TTC21B: variants seen among roughly 807,000 people sequenced by gnomAD.
The protein encoded by TTC21B is tetratricopeptide repeat protein 21B.
In TTC21B, 127 loss-of-function variants were observed where a neutral mutation model predicts 175.1. The observed-to-expected ratio is 0.73, with a 90% CI of 0.63 to 0.84. The LOEUF is 0.84. TTC21B is among the 40% of genes least tolerant of loss of function. TTC21B has a pLI of 0.00. For missense variants in TTC21B, 1,561 were observed against 1,558.3 expected, an observed-to-expected ratio of 1.00 and a Z score of -0.03; for synonymous variants, 524 against 524.5, an observed-to-expected ratio of 1.00 and a Z score of 0.01.
At chr2:165,889,326 C>A (rs939429828) in intron 24 of TTC21B, among the ~76,000 whole-genome samples, 1 of 152,066 alleles carries the variant, frequency 6.6e-6, no homozygotes, top group South Asian at 2.1e-4. Context: ...ATGCTGATTG[C>A]CCTTTTCTGA....
chr2:165,917,168 C>CA, intron 14 of TTC21B, 89 bp downstream of exon 14: 1 of 1,273,852 alleles, frequency 7.9e-7, no homozygotes, highest in Non-Finnish European at 1.1e-6. Context: ...TGTGAGCCAC[C>CA]ATGCCTGGGC....
At chr2:165,912,418 C>T (rs1476278799) in intron 17 of TTC21B, 96 bp downstream of exon 17, 6 of 939,684 alleles carry the variant, frequency 6.4e-6, no homozygotes, top group Non-Finnish European at 1.1e-5. Flanking sequence ...GAGTTTACAA[C>T]CATTAAAGAT....
intron 12 of TTC21B, 75 bp downstream of exon 12, chr2:165,924,474 A>T (rs1359810912): frequency 4.9e-6 from 7 of 1,416,288 alleles, no homozygotes; most frequent in Non-Finnish European, 6.9e-6. Context: ...ATATATACAC[A>T]GTGCTTAATT....
At chr2:165,933,767 T>C (rs1319474338) in intron 6 of TTC21B, 1 of 152,216 alleles carries the variant, frequency 6.6e-6, no homozygotes, top group Non-Finnish European at 1.5e-5. Flanking sequence ...CCCTACTGCT[T>C]CTTGACTAGG....
intron 20 of TTC21B, among the ~76,000 whole-genome samples, chr2:165,900,813 A>T (rs569128717): frequency 1.3e-5 from 2 of 152,216 alleles, no homozygotes; most frequent in South Asian, 4.1e-4. Context: ...TTTGATAATT[A>T]AAAACATAAA....
chr2:165,949,414 T>C lies in TTC21B; in HGVS notation c.242A>G (p.His81Arg). The change falls in exon 3 of 29, where the codon CAT (histidine) becomes CGT (arginine). Residue 81 changes from histidine to arginine, a missense_variant. Coordinates refer to ENST00000243344, the MANE Select transcript of TTC21B (RefSeq NM_024753.5). ...LCSLLALIYAHKMSPNPDREA... is the reference protein window; with the variant it reads ...LCSLLALIYARKMSPNPDREA... Reference sequence around the variant, plus strand: ...CATACCTGGATTAGGACTCATTTTATGGGCATATATCAGTGCAAGTAGAGA... The same window carrying C: ...CATACCTGGATTAGGACTCATTTTACGGGCATATATCAGTGCAAGTAGAGA... 1.2e-6 allele frequency: 2 copies of C among 1,612,492 alleles called. No individual in the cohort carries two copies. Among genetic ancestry groups the C allele is most frequent in the Non-Finnish European group, 8.5e-7 (1 of 1,178,606 alleles).
chr2:165,949,559 A>G, intron 2 of TTC21B, 36 bp downstream of exon 2: 1 of 1,613,828 alleles, frequency 6.2e-7, no homozygotes, highest in Non-Finnish European at 8.5e-7. Context: ...GCAAGAATTT[A>G]AAACTGATGG....
chr2:165,887,507 C>G (rs2105288370), intron 25 of TTC21B, among the ~76,000 whole-genome samples: 1 of 151,906 alleles, frequency 6.6e-6, no homozygotes, highest in South Asian at 2.1e-4. Flanking sequence ...GGCGACATGG[C>G]AAAACCCCTT....
intron 14 of TTC21B, among the ~76,000 whole-genome samples, chr2:165,916,459 G>A (rs538968168): frequency 5.2e-4 from 79 of 151,982 alleles, no homozygotes; most frequent in South Asian, 1.9e-3. Context: ...CTATCTTATC[G>A]TATATATTAT....
rs549890972 is a variant in TTC21B at position 165,942,185 on chromosome 2, A to G, written c.553-1001T>C. Among the ~76,000 whole-genome samples, 10 of 152,184 alleles carry G rather than the reference A, an allele frequency of 6.6e-5. No individual in the cohort carries two copies. The South Asian group carries it at 2.1e-3, about 32-fold the overall frequency. On this transcript the variant is annotated intron_variant, in intron 5 of 28. Coordinates refer to ENST00000243344, the MANE Select transcript of TTC21B (RefSeq NM_024753.5). ...TTACTGTCCACACAAAGTGACAGGA[A>G]AAGTGATGTGGAGACATTAACAAAA... is the stretch of plus-strand genomic sequence containing the variant.
chr2:165,898,986 G>C (rs553557871), intron 21 of TTC21B, among the ~76,000 whole-genome samples: 14 of 152,150 alleles, frequency 9.2e-5, no homozygotes, highest in African/African-American at 2.9e-4. Flanking sequence ...AGATTGCTCT[G>C]CTTGCAAAAT....
intron 22 of TTC21B, among the ~76,000 whole-genome samples, chr2:165,895,243 T>G (rs1013007746): frequency 6.6e-6 from 1 of 152,068 alleles, no homozygotes; most frequent in Non-Finnish European, 1.5e-5. Context: ...GAGTACAAGA[T>G]CCTTATATTG....
chr2:165,913,570 T>C lies in TTC21B; in HGVS notation c.2211+4A>G. 6.2e-7 allele frequency: 1 copy of C among 1,605,934 alleles called. No individual in the cohort carries two copies. Among genetic ancestry groups the C allele is most frequent in the South Asian group, 1.1e-5 (1 of 90,732 alleles). ...ATGCAGTTCAGTAACATCAGAAATT[T>C]TACCTCTAGAATATTCATGTATGCA... On this transcript the variant is annotated splice_donor_region_variant and intron_variant, in intron 16 of 28. Coordinates refer to ENST00000243344, the MANE Select transcript of TTC21B (RefSeq NM_024753.5).
intron 6 of TTC21B, among the ~76,000 whole-genome samples, chr2:165,937,671 C>G (rs1243508505): frequency 6.6e-6 from 1 of 151,848 alleles, no homozygotes; most frequent in African/African-American, 2.4e-5. Context: ...CTATGAAATA[C>G]CCTCTTAAAG....
intron 6 of TTC21B, chr2:165,934,699 G>T (rs531258563): frequency 1.4e-5 from 2 of 144,304 alleles, no homozygotes; most frequent in South Asian, 2.2e-4. Context: ...CACAATAAAA[G>T]AAATGAAAAT....
intron 1 of TTC21B, among the ~76,000 whole-genome samples, chr2:165,950,070 T>TG (rs1687714271): frequency 7.8e-6 from 1 of 128,918 alleles, no homozygotes; most frequent in South Asian, 2.5e-4. Flanking sequence ...AAACAGGAAC[T>TG]AAAAAAAAAA....
chr2:165,927,757 G>A (rs1686732547), intron 11 of TTC21B, among the ~76,000 whole-genome samples: 1 of 151,832 alleles, frequency 6.6e-6, no homozygotes, highest in African/African-American at 2.4e-5. Context: ...ATTCTATGAG[G>A]GTTTAAGTTT....
In TTC21B at chr2:165,927,074, A is replaced by G; in HGVS notation, c.1386+2061T>C. Among the ~76,000 whole-genome samples, 3 of 34,156 alleles carry G rather than the reference A, an allele frequency of 8.8e-5. 1 individual carries two copies. The highest frequency in any genetic ancestry group is 2.6e-4 in the African/African-American group (3 of 11,646). 22.4% of individuals were successfully genotyped at this position (34,156 alleles called of 152,430 possible). ...TATATATATATCCTAGTAGATATAT[A>G]TATATATATATCCTAGTAGATATAT... On this transcript the variant is annotated intron_variant, in intron 11 of 28. Coordinates refer to ENST00000243344, the MANE Select transcript of TTC21B (RefSeq NM_024753.5).
chr2:165,925,614 T>C (rs563143457), intron 11 of TTC21B, among the ~76,000 whole-genome samples: 1 of 152,182 alleles, frequency 6.6e-6, no homozygotes, highest in Non-Finnish European at 1.5e-5. Context: ...ACACAATATA[T>C]ACGCTCAAAA....
Sources: gnomAD v4.1 joint callset for allele counts (sites outside exome capture counted in the v4.1 genomes callset) on GRCh38, gnomAD v4.1.1 for gene constraint, MANE v1.5 for transcripts, NCBI Gene and HGNC (gene_info 2026-07-23, HGNC 2026-07-21) for gene names.